Variants in RMND5A observed in about 807,000 individuals in gnomAD.
RMND5A encodes the protein required for meiotic nuclear division 5 homolog A, also known as E3 ubiquitin-protein transferase RMND5A.
Under a neutral mutation model 49.7 loss-of-function variants are expected in RMND5A, and 17 were observed. The observed-to-expected ratio is 0.34, with a 90% confidence interval of 0.23 to 0.51. The LOEUF (loss-of-function observed/expected upper bound fraction) is 0.51. Among genes scored for constraint, RMND5A ranks in the 20% least tolerant of loss-of-function variants. RMND5A has a pLI of 0.96. For missense variants in RMND5A, 255 were observed against 471.3 expected (o/e 0.54, Z 4.25); for synonymous variants, 156 against 167.7 (o/e 0.93, Z 0.54).
At chr2:86,742,707 C>T (rs1681470343) in intron 2 of RMND5A, among the ~76,000 whole-genome samples, 1 of 151,566 alleles carries the variant, frequency 6.6e-6, no homozygotes, top group South Asian at 2.1e-4. Flanking sequence ...ACCAAGGCAT[C>T]CTGGTGATTC....
chr2:86,758,294 C>G (rs1681782867), intron 4 of RMND5A, among the ~76,000 whole-genome samples: 2 of 152,124 alleles, frequency 1.3e-5, no homozygotes, highest in South Asian at 2.1e-4. Flanking sequence ...TGGTTGCATA[C>G]TATACACAGT....
At chr2:86,760,450 G>A (rs1672451535) in intron 4 of RMND5A, among the ~76,000 whole-genome samples, 1 of 152,210 alleles carries the variant, frequency 6.6e-6, no homozygotes, top group African/African-American at 2.4e-5. Flanking sequence ...CAACAACACA[G>A]TTCAGATTTC....
At chr2:86,752,738 G>A (rs749930815) in intron 3 of RMND5A, among the ~76,000 whole-genome samples, 2 of 152,176 alleles carry the variant, frequency 1.3e-5, no homozygotes, top group Non-Finnish European at 2.9e-5. Flanking sequence ...TTCACACTCC[G>A]TTCTAAGCCA....
chr2:86,756,888 G>T (rs1336057303), intron 4 of RMND5A, among the ~76,000 whole-genome samples: 1 of 152,064 alleles, frequency 6.6e-6, no homozygotes, highest in East Asian at 1.9e-4. Flanking sequence ...ATTTGAGGTG[G>T]CTAGGCCGGG....
In RMND5A at chr2:86,759,351, C is replaced by G. The variant is rs181553346; in HGVS notation, c.522-5676C>G. On this transcript the variant is annotated intron_variant, in intron 4 of 8. Coordinates refer to ENST00000283632, the MANE Select transcript of RMND5A (RefSeq NM_022780.4). Reference sequence around the variant, plus strand: ...GTAATTGTATAGATGTGGATTGCTTCTAACTTAGTCTTCTCATAAGTAATA... The same window carrying G: ...GTAATTGTATAGATGTGGATTGCTTGTAACTTAGTCTTCTCATAAGTAATA... Among the ~76,000 whole-genome samples the G allele has an allele frequency of 5.0e-4, 76 of 152,234 alleles. 2 individuals are homozygous for G. The East Asian group carries it at 0.01, about 21-fold the overall frequency.
chr2:86,742,892 AG>A (rs1681473584), intron 2 of RMND5A, among the ~76,000 whole-genome samples: 1 of 151,724 alleles, frequency 6.6e-6, no homozygotes, highest in Non-Finnish European at 1.5e-5. Flanking sequence ...TCTTGGAATA[AG>A]GGGGGATGGG....
At chr2:86,764,643 A>G (rs569380998) in intron 4 of RMND5A, among the ~76,000 whole-genome samples, 1 of 152,204 alleles carries the variant, frequency 6.6e-6, no homozygotes, top group Admixed American at 6.5e-5. Flanking sequence ...CCCTTTCAGG[A>G]TCTTTGATTC....
At chr2:86,769,327 T>C (rs555485813) in intron 6 of RMND5A, among the ~76,000 whole-genome samples, 1 of 152,364 alleles carries the variant, frequency 6.6e-6, no homozygotes, top group East Asian at 1.9e-4. Context: ...ATCAGCACCA[T>C]CTGCAGACCA....
intron 4 of RMND5A, among the ~76,000 whole-genome samples, chr2:86,760,964 A>G (rs865779026): frequency 9.8e-6 from 1 of 102,196 alleles, no homozygotes; most frequent in South Asian, 3.6e-4. Flanking sequence ...TGAGAGAGAG[A>G]AGTGTGTGTG....
At chr2:86,754,869 G>C (rs1032319921) in intron 4 of RMND5A, among the ~76,000 whole-genome samples, 3 of 152,046 alleles carry the variant, frequency 2.0e-5, no homozygotes, top group Non-Finnish European at 4.4e-5. Flanking sequence ...CCATTTCTCA[G>C]TTCTGAGAAA....
chr2:86,759,930 G>C (rs1313055036), intron 4 of RMND5A, among the ~76,000 whole-genome samples: 1 of 152,150 alleles, frequency 6.6e-6, no homozygotes, highest in Admixed American at 6.5e-5. Flanking sequence ...CAGACACCCT[G>C]ACTTGCTCAG....
intron 1 of RMND5A, among the ~76,000 whole-genome samples, chr2:86,729,339 T>C (rs1558718634): frequency 6.6e-6 from 1 of 151,810 alleles, no homozygotes; most frequent in Admixed American, 6.6e-5. Context: ...TGGGAGTAGA[T>C]GGGCATTATT....
chr2:86,771,287 A>C (rs1672681826), intron 7 of RMND5A: 1 of 323,044 alleles, frequency 3.1e-6, no homozygotes, highest in Non-Finnish European at 5.7e-6. Context: ...ACTGTGTGTC[A>C]AGCCAGTAAA....
chr2:86,768,032 A>G (rs1672629484), intron 6 of RMND5A, among the ~76,000 whole-genome samples: 1 of 152,198 alleles, frequency 6.6e-6, no homozygotes, highest in African/African-American at 2.4e-5. Flanking sequence ...TCACACATAT[A>G]TTTTTGTTTT....
At position 86,755,698 on chromosome 2, in the gene RMND5A, A is replaced by C. The variant is rs566896143; in HGVS notation, c.521+2140A>C. 2.6e-5 allele frequency among the ~76,000 whole-genome samples: 4 copies of C among 152,296 alleles called. No homozygotes were observed. The East Asian group carries it at 5.8e-4, about 22-fold the overall frequency. On this transcript the variant is annotated intron_variant, in intron 4 of 8. Transcript: ENST00000283632. ...TGTGCGTATATAAGATATGTTTCTT[A>C]TTGATAAGCATGTTATGTATATTGA...
intron 2 of RMND5A, among the ~76,000 whole-genome samples, chr2:86,743,941 G>T (rs1172164122): frequency 6.7e-6 from 1 of 149,376 alleles, no homozygotes; most frequent in African/African-American, 2.5e-5. Context: ...TTGCACCACT[G>T]CACTCCAGTC....
At position 86,773,440 on chromosome 2, in the gene RMND5A, G is replaced by A. The variant is rs1197378773; in HGVS notation, c.*29G>A. 2 of 1,426,278 alleles carry A rather than the reference G, an allele frequency of 1.4e-6. No individual in the cohort carries two copies. The highest frequency in any genetic ancestry group is 2.3e-5 in the South Asian group (2 of 87,012). 88.4% of individuals were successfully genotyped at this position (1,426,278 alleles called of 1,614,324 possible). On this transcript the variant is annotated 3_prime_UTR_variant, in exon 9 of 9. Transcript: ENST00000283632. ...GATAACTTTAGTTTGCAATTTGTAA[G>A]TGAAACTGAATCGTGGGTGCATTTC...
Position 86,751,904 on chromosome 2 carries a change from T to C in RMND5A, c.294T>C (p.Asp98=). ...CTCTTTCTTTTCCCCAGAATTTTGATTCTGACATTAGCAGTGTGGGAATAG... is the reference window on the plus strand; with the variant it reads ...CTCTTTCTTTTCCCCAGAATTTTGACTCTGACATTAGCAGTGTGGGAATAG... ...RVGKAIDKNF[D]SDISSVGIDG... Residue 98 remains aspartate (D), a synonymous_variant, in exon 3 of 9, where the codon GAT becomes GAC. Transcript: ENST00000283632. 6.2e-7 allele frequency: 1 copy of C among 1,611,608 alleles called. No homozygotes were observed.
At chr2:86,757,030 A>G (rs57238626) in intron 4 of RMND5A, among the ~76,000 whole-genome samples, 7,617 of 152,082 alleles carry the variant, frequency 0.05, 579 homozygotes, top group African/African-American at 0.16. Flanking sequence ...AAAATTAGCC[A>G]GGTATGGTGG....
Sources: gnomAD v4.1 joint callset for allele counts (sites outside exome capture counted in the v4.1 genomes callset) on GRCh38, gnomAD v4.1.1 for gene constraint, MANE v1.5 for transcripts, NCBI Gene and HGNC (gene_info 2026-07-23, HGNC 2026-07-21) for gene names.